Variants in PCDH9 observed in about 807,000 individuals in gnomAD.
PCDH9 encodes protocadherin-9.
Under a neutral mutation model 70.6 loss-of-function variants are expected in PCDH9, and 24 were observed. The observed-to-expected ratio is 0.34, with a 90% CI of 0.25 to 0.48. The LOEUF (loss-of-function observed/expected upper bound fraction) is 0.48. Among genes scored for constraint, PCDH9 ranks in the 20% least tolerant of loss-of-function variants. PCDH9 has a pLI of 0.99. For synonymous variants in PCDH9, 562 were observed against 558.5 expected, an observed-to-expected ratio of 1.01 and a Z score of -0.09; for missense variants, 1,281 against 1,503.6, an observed-to-expected ratio of 0.85 and a Z score of 2.45.
rs533890515 is a variant in PCDH9, at chr13:66,892,218, AATATAT to A, written c.3138+11280_3138+11285del. On this transcript the variant is annotated intron_variant, in intron 3 of 4. Transcript: ENST00000377865. ...ATGTGTTATGTGTGTGTATATATAT[AATATAT>A]ATATATAATGTGTGTGTGTATATAT... Among the ~76,000 whole-genome samples, 7 of 147,128 alleles carry A rather than the reference AATATAT, an allele frequency of 4.8e-5. 1 individual carries two copies. The highest frequency in any genetic ancestry group is 3.0e-5 in the Non-Finnish European group (2 of 67,026).
intron 3 of PCDH9, among the ~76,000 whole-genome samples, chr13:66,727,671 C>G (rs1269184970): frequency 6.6e-6 from 1 of 152,070 alleles, no homozygotes; most frequent in Non-Finnish European, 1.5e-5. Context: ...GACACAGAGG[C>G]ACACATATGA....
intron 4 of PCDH9, among the ~76,000 whole-genome samples, chr13:66,407,815 GA>G (rs570988793): frequency 6.6e-6 from 1 of 151,846 alleles, no homozygotes; most frequent in South Asian, 2.1e-4. Flanking sequence ...TAGACACTGG[GA>G]AAAAAATCCC....
chr13:66,559,796 T>G (rs866036768), intron 4 of PCDH9, among the ~76,000 whole-genome samples: 50 of 31,888 alleles, frequency 1.6e-3, no homozygotes, highest in Admixed American at 3.7e-3. Flanking sequence ...CAAGACTCCA[T>G]CTCAAAAAAA....
At chr13:67,032,026 G>T (rs1174571396) in intron 2 of PCDH9, among the ~76,000 whole-genome samples, 1 of 152,198 alleles carries the variant, frequency 6.6e-6, no homozygotes, top group Non-Finnish European at 1.5e-5. Context: ...GGAGAGCATA[G>T]GTGCACTTGC....
chr13:66,548,780 T>A (rs1481680345), intron 4 of PCDH9, among the ~76,000 whole-genome samples: 1 of 152,090 alleles, frequency 6.6e-6, no homozygotes, highest in Non-Finnish European at 1.5e-5. Flanking sequence ...ATGACACTCA[T>A]GAATAATGCT....
At chr13:66,495,531 T>C (rs539603314) in intron 4 of PCDH9, among the ~76,000 whole-genome samples, 2 of 152,294 alleles carry the variant, frequency 1.3e-5, no homozygotes, top group South Asian at 4.1e-4. Flanking sequence ...TTCAACATAG[T>C]GCTTTGGAAA....
intron 4 of PCDH9, among the ~76,000 whole-genome samples, chr13:66,576,695 A>T (rs1235924848): frequency 6.6e-6 from 1 of 152,072 alleles, no homozygotes; most frequent in East Asian, 1.9e-4. Context: ...GAAAACCTAA[A>T]GGGACATCAA....
At chr13:66,882,429 T>A (rs989690206) in intron 3 of PCDH9, among the ~76,000 whole-genome samples, 2 of 152,150 alleles carry the variant, frequency 1.3e-5, no homozygotes, top group Non-Finnish European at 2.9e-5. Flanking sequence ...ATGGTTCCTC[T>A]CTACCTTTCC....
At chr13:66,436,997 A>G (rs74093097) in intron 4 of PCDH9, among the ~76,000 whole-genome samples, 1,621 of 151,910 alleles carry the variant, frequency 0.011, 25 homozygotes, top group African/African-American at 0.037. Context: ...TTGTATGTCA[A>G]AGGAACTATG....
intron 4 of PCDH9, among the ~76,000 whole-genome samples, chr13:66,507,055 G>C (rs1446125586): frequency 6.6e-6 from 1 of 152,176 alleles, no homozygotes; most frequent in African/African-American, 2.4e-5. Context: ...AGCTATCACA[G>C]GGGATTGCAA....
intron 2 of PCDH9, among the ~76,000 whole-genome samples, chr13:67,127,422 G>C (rs2087003833): frequency 6.6e-6 from 1 of 152,156 alleles, no homozygotes; most frequent in Non-Finnish European, 1.5e-5. Context: ...TGGTCTTGCT[G>C]TATCCAGTCT....
chr13:66,416,406 A>G (rs1175804940), intron 4 of PCDH9, among the ~76,000 whole-genome samples: 1 of 152,148 alleles, frequency 6.6e-6, no homozygotes, highest in Non-Finnish European at 1.5e-5. Flanking sequence ...TAGGACCCCA[A>G]CAGCCGACCA....
At chr13:66,460,098 C>A (rs1254944599) in intron 4 of PCDH9, among the ~76,000 whole-genome samples, 1 of 151,788 alleles carries the variant, frequency 6.6e-6, no homozygotes, top group Non-Finnish European at 1.5e-5. Context: ...ATTTTACATG[C>A]TTTGTGACAG....
intron 4 of PCDH9, among the ~76,000 whole-genome samples, chr13:66,518,427 T>C (rs1367907419): frequency 1.3e-5 from 2 of 152,070 alleles, no homozygotes; most frequent in Non-Finnish European, 2.9e-5. Context: ...AAAACCACAA[T>C]GAGACAATAC....
intron 4 of PCDH9, among the ~76,000 whole-genome samples, chr13:66,452,541 T>TA (rs545693077): frequency 1.3e-5 from 2 of 152,258 alleles, no homozygotes; most frequent in South Asian, 4.1e-4. Context: ...GTCACATTCT[T>TA]ACACCACTTC....
At chr13:66,544,141 G>A (rs1961080594) in intron 4 of PCDH9, among the ~76,000 whole-genome samples, 1 of 152,062 alleles carries the variant, frequency 6.6e-6, no homozygotes, top group African/African-American at 2.4e-5. Flanking sequence ...TATTTAAAGA[G>A]CAGCAAGCTC....
intron 3 of PCDH9, among the ~76,000 whole-genome samples, chr13:66,829,362 AT>A (rs2080883036): frequency 6.6e-6 from 1 of 152,120 alleles, no homozygotes; most frequent in Non-Finnish European, 1.5e-5. Flanking sequence ...AAACTATAAA[AT>A]TATATTTATG....
In PCDH9 at chr13:67,179,888, A is replaced by G. The variant is rs1178973002; in HGVS notation, c.3036+45517T>C. Among the ~76,000 whole-genome samples, 14 of 152,254 alleles carry G rather than the reference A, an allele frequency of 9.2e-5. No individual in the cohort carries two copies. The South Asian group carries it at 2.9e-3, about 32-fold the overall frequency. On this transcript the variant is annotated intron_variant, in intron 2 of 4. Coordinates refer to ENST00000377865, the MANE Select transcript of PCDH9 (RefSeq NM_203487.3). ...GGGTAAGGGAAAAGAGAAGTAGAAC[A>G]GAAAGGCAAATATTGATTGCAATAT...
chr13:66,626,496 G>C (rs182162215), intron 4 of PCDH9, among the ~76,000 whole-genome samples: 1 of 152,148 alleles, frequency 6.6e-6, no homozygotes, highest in African/African-American at 2.4e-5. Context: ...GACCCCTCTA[G>C]GCAGATGAGA....
Sources: gnomAD v4.1 joint callset for allele counts (sites outside exome capture counted in the v4.1 genomes callset) on GRCh38, gnomAD v4.1.1 for gene constraint, MANE v1.5 for transcripts, NCBI Gene and HGNC (gene_info 2026-07-23, HGNC 2026-07-21) for gene names.